Variants in GPHN observed in about 807,000 individuals in gnomAD.
The protein encoded by GPHN is gephyrin.
In GPHN, 17 loss-of-function variants were observed where a neutral mutation model predicts 95.5. The ratio of observed to expected loss-of-function variants is 0.18; its 90% confidence interval spans 0.12 to 0.27. The LOEUF (loss-of-function observed/expected upper bound fraction) is 0.27. GPHN is among the 10% of genes least tolerant of loss of function. The pLI, the probability that GPHN is intolerant of heterozygous loss-of-function variation, is 1.00. For synonymous variants in GPHN, 320 were observed against 322.5 expected (o/e 0.99, Z 0.08); for missense variants, 660 against 978.1 (o/e 0.67, Z 4.34).
chr14:67,257,243 C>T, the GPHN span, among the ~76,000 whole-genome samples: 1 of 152,124 alleles, frequency 6.6e-6, no homozygotes, highest in South Asian at 2.1e-4. Flanking sequence ...AACCATAGGG[C>T]AGAGGAAGCA....
chr14:67,660,413 T>C, the GPHN span, among the ~76,000 whole-genome samples: 75 of 152,170 alleles, frequency 4.9e-4, 1 homozygote, highest in African/African-American at 1.6e-3. Context: ...TCTATATATA[T>C]ATAAAAAATT....
the GPHN span, among the ~76,000 whole-genome samples, chr14:67,459,560 A>G: frequency 1.3e-5 from 2 of 152,190 alleles, no homozygotes; most frequent in Non-Finnish European, 2.9e-5. Context: ...CCTGATACCC[A>G]TCTTGAAAAG....
In GPHN at chr14:67,156,902, G is replaced by A. The variant is rs1036826415; in HGVS notation, c.1837-2513G>A. On this transcript the variant is annotated intron_variant, in intron 18 of 22. Coordinates refer to ENST00000478722, the MANE Select transcript of GPHN (RefSeq NM_020806.5). The stretch of plus-strand genomic sequence containing the variant: ...TGCAATCGTTTGAACCCAGGAGACA[G>A]AGGTTGCCAACGTGAGCCGAGATCG... Among the ~76,000 whole-genome samples the A allele has an allele frequency of 4.6e-5, 7 of 151,760 alleles. No homozygotes were observed. The South Asian group carries it at 1.5e-3, about 32-fold the overall frequency.
chr14:67,299,783 A>G, the GPHN span, among the ~76,000 whole-genome samples: 1 of 152,210 alleles, frequency 6.6e-6, no homozygotes, highest in East Asian at 1.9e-4. Context: ...AACTGACTTA[A>G]AAGTGGGAAT....
chr14:66,661,341 G>A (rs554085666), intron 1 of GPHN, among the ~76,000 whole-genome samples: 17 of 152,278 alleles, frequency 1.1e-4, no homozygotes, highest in Admixed American at 9.2e-4. Flanking sequence ...GGGCTTAGGC[G>A]AGTCCAAACC....
At chr14:66,589,030 ATC>A (rs970588304) in intron 1 of GPHN, among the ~76,000 whole-genome samples, 44 of 151,680 alleles carry the variant, frequency 2.9e-4, no homozygotes, top group African/African-American at 1.1e-3. Flanking sequence ...CTAACAGTGG[ATC>A]TCTCAGTAGA....
At position 66,614,503 on chromosome 14, in the gene GPHN, T is replaced by G. The variant is rs923229953; in HGVS notation, c.65-66604T>G. 5.3e-5 allele frequency among the ~76,000 whole-genome samples: 8 copies of G among 152,146 alleles called. No homozygotes were observed. The East Asian group carries it at 1.5e-3, about 29-fold the overall frequency. ...TCACTTATTGTAATAGATTATATAC[T>G]TTTTGCTTTTCTACATGCAAAATGA... On this transcript the variant is annotated intron_variant, in intron 1 of 22. Transcript: ENST00000478722.
chr14:66,569,746 G>A (rs1206277483), intron 1 of GPHN, among the ~76,000 whole-genome samples: 1 of 151,838 alleles, frequency 6.6e-6, no homozygotes, highest in Non-Finnish European at 1.5e-5. Context: ...TATATATAGT[G>A]GAATGTCTAA....
chr14:67,492,050 T>A, the GPHN span, among the ~76,000 whole-genome samples: 2 of 152,166 alleles, frequency 1.3e-5, no homozygotes, highest in African/African-American at 4.8e-5. Flanking sequence ...CTGTCTCACT[T>A]GGAGGCCACC....
intron 18 of GPHN, among the ~76,000 whole-genome samples, chr14:67,146,779 A>G (rs946365077): frequency 1.6e-4 from 25 of 152,268 alleles, no homozygotes; most frequent in Non-Finnish European, 3.1e-4. Flanking sequence ...CATGCCTATA[A>G]TCCCAGCACT....
chr14:66,760,103 TCTA>T (rs1166348323), intron 2 of GPHN, among the ~76,000 whole-genome samples: 3 of 152,168 alleles, frequency 2.0e-5, no homozygotes, highest in African/African-American at 7.2e-5. Flanking sequence ...TTTGAAATTT[TCTA>T]CTTATTCATT....
At chr14:67,619,782 G>C in the GPHN span, 1 of 545,258 alleles carries the variant, frequency 1.8e-6, no homozygotes, top group Admixed American at 3.5e-5. Flanking sequence ...GCCTTGCAGA[G>C]CGGTGGGCGG....
At chr14:66,577,019 T>C (rs2140421987) in intron 1 of GPHN, among the ~76,000 whole-genome samples, 1 of 152,320 alleles carries the variant, frequency 6.6e-6, no homozygotes, top group Non-Finnish European at 1.5e-5. Flanking sequence ...TGGACATTGA[T>C]GTTATAACTG....
At chr14:67,685,072 G>A in the GPHN span, 4 of 1,614,180 alleles carry the variant, frequency 2.5e-6, no homozygotes, top group South Asian at 4.4e-5. Context: ...GTGCAGGCTG[G>A]TCTGGGCTCC....
intron 1 of GPHN, among the ~76,000 whole-genome samples, chr14:66,652,012 G>A (rs181733220): frequency 6.6e-5 from 10 of 152,140 alleles, no homozygotes; most frequent in African/African-American, 1.4e-4. Flanking sequence ...CCCAGTTCAC[G>A]GAAACATTGT....
intron 2 of GPHN, among the ~76,000 whole-genome samples, chr14:66,729,652 G>A (rs1458077177): frequency 1.3e-5 from 2 of 152,248 alleles, no homozygotes; most frequent in East Asian, 3.9e-4. Context: ...TAACATCAGA[G>A]ATCATTATTT....
intron 1 of GPHN, among the ~76,000 whole-genome samples, chr14:66,592,546 A>G (rs73007943): frequency 6.6e-6 from 1 of 152,192 alleles, no homozygotes; most frequent in African/African-American, 2.4e-5. Flanking sequence ...AAAACATATG[A>G]AAAAAGCTCA....
the GPHN span, among the ~76,000 whole-genome samples, chr14:67,319,830 C>T: frequency 2.0e-5 from 3 of 152,112 alleles, no homozygotes; most frequent in South Asian, 2.1e-4. Flanking sequence ...TTGTATTCAG[C>T]GTATACATTA....
chr14:66,916,108 C>A, intron 6 of GPHN, 39 bp downstream of exon 6: 1 of 1,340,614 alleles, frequency 7.5e-7, no homozygotes, highest in Non-Finnish European at 1.1e-6. Context: ...AGTGTAAGAG[C>A]TTTTGACCAG....
Sources: allele counts gnomAD v4.1 joint callset (sites outside exome capture counted in the v4.1 genomes callset), GRCh38; gene constraint gnomAD v4.1.1; transcripts MANE v1.5; gene names NCBI Gene and HGNC (gene_info 2026-07-23, HGNC 2026-07-21).